ANK1: variants seen among roughly 807,000 people sequenced by gnomAD.
The protein encoded by ANK1 is ankyrin 1.
In ANK1, 51 loss-of-function variants were observed where a neutral mutation model predicts 210.4. The ratio of observed to expected loss-of-function variants is 0.24; its 90% CI spans 0.19 to 0.31. The LOEUF (loss-of-function observed/expected upper bound fraction) is 0.31, where lower values mean the gene tolerates loss of function less well. Among genes scored for constraint, ANK1 ranks in the 10% least tolerant of loss-of-function variants. ANK1 has a pLI of 1.00. For missense variants in ANK1, 2,051 were observed against 2,504.4 expected (o/e 0.82, Z 3.86); for synonymous variants, 967 against 1,025.9 (o/e 0.94, Z 1.10).
chr8:41,700,390 C>G, intron 22 of ANK1: 1 of 1,599,904 alleles, frequency 6.3e-7, no homozygotes, highest in Non-Finnish European at 8.6e-7. Context: ...GAAATGCACT[C>G]TAGTGAGAAA....
At chr8:41,810,138 G>A (rs1045792486) in intron 1 of ANK1, among the ~76,000 whole-genome samples, 1 of 152,184 alleles carries the variant, frequency 6.6e-6, no homozygotes, top group Non-Finnish European at 1.5e-5. Context: ...ACATCCTGCT[G>A]AAGGGTCATT....
At chr8:41,801,750 G>A (rs1849897413), upstream of ANK1, among the ~76,000 whole-genome samples, 1 of 152,154 alleles carries the variant, frequency 6.6e-6, no homozygotes, top group African/African-American at 2.4e-5. Context: ...GTTCTCTGCA[G>A]TCTGAATACG....
chr8:41,775,481 G>C (rs1843822268), intron 1 of ANK1, among the ~76,000 whole-genome samples: 1 of 152,238 alleles, frequency 6.6e-6, no homozygotes, highest in Admixed American at 6.5e-5. Flanking sequence ...AACTAGGCCT[G>C]GAAGGCCCCG....
At chr8:41,838,135 C>T (rs900085486) in intron 1 of ANK1, among the ~76,000 whole-genome samples, 1 of 152,212 alleles carries the variant, frequency 6.6e-6, no homozygotes, top group African/African-American at 2.4e-5. Flanking sequence ...ATTTTACATG[C>T]TCCAGACACC....
At chr8:41,744,590 G>A (rs190432766) in intron 2 of ANK1, among the ~76,000 whole-genome samples, 5 of 146,280 alleles carry the variant, frequency 3.4e-5, no homozygotes, top group Admixed American at 2.8e-4. Flanking sequence ...AGGCTGGAGT[G>A]CAGTGGTGCA....
At chr8:41,865,942 A>G (rs946585631) in intron 1 of ANK1, among the ~76,000 whole-genome samples, 5 of 152,096 alleles carry the variant, frequency 3.3e-5, no homozygotes, top group Non-Finnish European at 7.4e-5. Context: ...GTGCCACTCC[A>G]ATGCATTCCA....
At chr8:41,687,147 G>T (rs1379285077) in intron 35 of ANK1, among the ~76,000 whole-genome samples, 1 of 152,220 alleles carries the variant, frequency 6.6e-6, no homozygotes, top group Non-Finnish European at 1.5e-5. Context: ...TCCAGGGGAA[G>T]TGAATGAAGG....
chr8:41,693,856 T>G, intron 29 of ANK1, 42 bp downstream of exon 29: 1 of 1,565,256 alleles, frequency 6.4e-7, no homozygotes, highest in Non-Finnish European at 8.7e-7. Context: ...CCAGACGCAC[T>G]GCAGCAGCCG....
At chr8:41,728,666 C>T (rs1237198650) in intron 3 of ANK1, among the ~76,000 whole-genome samples, 1 of 152,018 alleles carries the variant, frequency 6.6e-6, no homozygotes, top group Non-Finnish European at 1.5e-5. Context: ...GAGAGTGCGG[C>T]CATGTCAAAG....
rs11380785 is a variant in ANK1, at chr8:41,741,579, G to GAA, written c.130-7512_130-7511dup. Among the ~76,000 whole-genome samples the GAA allele has an allele frequency of 8.4e-4, 119 of 141,278 alleles. 1 individual carries two copies. Among genetic ancestry groups the GAA allele is most frequent in the Middle Eastern group, 3.6e-3 (1 of 274 alleles). The allele number at this position is 141,278 out of a possible 152,430, so 92.7% of individuals were successfully genotyped here. On this transcript the variant is annotated intron_variant, in intron 2 of 42. Coordinates refer to ENST00000289734, the MANE Select transcript of ANK1 (RefSeq NM_000037.4). ...TGAGTGGTGGAGTGAGACCTTACCT[G>GAA]AAAAAAAAAAAAAAGATTTTGGCTT... is the stretch of plus-strand genomic sequence containing the variant.
In ANK1 at chr8:41,654,134, G is replaced by T. The variant is rs1039750811; in HGVS notation, c.*1656C>A. ...CACACCGCGGCTCCAGGGGCGAGAG[G>T]AGCCAGCCCTGTCTCTCTCTCCTGG... On this transcript the variant is annotated 3_prime_UTR_variant, in exon 43 of 43. Coordinates refer to ENST00000289734, the MANE Select transcript of ANK1 (RefSeq NM_000037.4). 1 of 152,548 alleles carries T rather than the reference G, an allele frequency of 6.6e-6. No individual in the cohort carries two copies. The highest frequency in any genetic ancestry group is 1.5e-5 in the Non-Finnish European group (1 of 68,016). The allele number at this position is 152,548 out of a possible 1,614,324, so 9.4% of individuals were successfully genotyped here. A position where few individuals can be genotyped will look rare whatever the true frequency, so the allele number is the denominator to read the frequency against.
chr8:41,693,866 G>A (rs376308637), intron 29 of ANK1, 32 bp downstream of exon 29: 430 of 1,578,956 alleles, frequency 2.7e-4, no homozygotes, highest in East Asian at 1.2e-4. Context: ...TGCAGCAGCC[G>A]AGAACAGAAG....
At chr8:41,778,542 A>G (rs752736216) in intron 1 of ANK1, among the ~76,000 whole-genome samples, 6 of 152,268 alleles carry the variant, frequency 3.9e-5, no homozygotes, top group Non-Finnish European at 7.3e-5. Context: ...ATAATCAGAG[A>G]ACACAGGCTT....
At chr8:41,830,215 C>T (rs1258334896) in intron 1 of ANK1, among the ~76,000 whole-genome samples, 1 of 150,974 alleles carries the variant, frequency 6.6e-6, no homozygotes, top group Non-Finnish European at 1.5e-5. Context: ...ATGCCCCCAC[C>T]CCAGGCTCCT....
At chr8:41,692,616 C>T in intron 31 of ANK1, 32 bp downstream of exon 31, 1 of 1,595,912 alleles carries the variant, frequency 6.3e-7, no homozygotes, top group Middle Eastern at 2.1e-4. Context: ...GACGGTTTGT[C>T]CCAGAGGCGG....
chr8:41,706,056 T>G, intron 18 of ANK1, 87 bp downstream of exon 18: 1 of 1,310,370 alleles, frequency 7.6e-7, no homozygotes, highest in Non-Finnish European at 1.1e-6. Context: ...CACTGGGTCT[T>G]TGGGGTTTCA....
chr8:41,873,823 T>C (rs929772539), intron 1 of ANK1, among the ~76,000 whole-genome samples: 2 of 152,222 alleles, frequency 1.3e-5, no homozygotes, highest in Non-Finnish European at 2.9e-5. Flanking sequence ...CTTGTGCCTT[T>C]GTTGGGGAAA....
chr8:41,869,456 T>C (rs4737020), intron 1 of ANK1, among the ~76,000 whole-genome samples: 23,990 of 152,138 alleles, frequency 0.16, 2,043 homozygotes, highest in South Asian at 0.29. Context: ...GGCTCTCGCC[T>C]GTTGTCCCAG....
In ANK1 at chr8:41,653,897, C is replaced by A. The variant is rs994637233; in HGVS notation, c.*1893G>T. On this transcript the variant is annotated 3_prime_UTR_variant, in exon 43 of 43. Transcript: ENST00000289734. ...TAAAGGAAGCAAAAGCAGCCCCACC[C>A]CCGGCCGACAAGGCGCCTAGGCCGC... The A allele has an allele frequency of 6.6e-6, 1 of 152,194 alleles. No homozygotes were observed. The highest frequency in any genetic ancestry group is 1.9e-4 in the East Asian group (1 of 5,158). The allele number at this position is 152,194 out of a possible 1,614,324, so 9.4% of individuals were successfully genotyped here. A position where few individuals can be genotyped will look rare whatever the true frequency, so the allele number is the denominator to read the frequency against.
Sources: allele counts gnomAD v4.1 joint callset (sites outside exome capture counted in the v4.1 genomes callset), GRCh38; gene constraint gnomAD v4.1.1; transcripts MANE v1.5; gene names NCBI Gene and HGNC (gene_info 2026-07-23, HGNC 2026-07-21).